The following TRAPPC9 variants were observed in gnomAD, a reference collection of about 807,000 sequenced individuals.
TRAPPC9 encodes the protein IKK2 binding protein.
Under a neutral mutation model 124.0 loss-of-function variants are expected in TRAPPC9, and 83 were observed. The ratio of observed to expected loss-of-function variants is 0.67; its 90% CI spans 0.56 to 0.80. The LOEUF (loss-of-function observed/expected upper bound fraction) is 0.80, where lower values mean the gene tolerates loss of function less well. TRAPPC9 is among the 30% of genes least tolerant of loss of function. The pLI, the probability that TRAPPC9 is intolerant of heterozygous loss-of-function variation, is 0.00. For synonymous variants in TRAPPC9, 638 were observed against 617.5 expected (o/e 1.03, Z -0.49); for missense variants, 1,302 against 1,508.3 (o/e 0.86, Z 2.27).
chr8:140,145,459 C>T (rs753876119), intron 17 of TRAPPC9, among the ~76,000 whole-genome samples: 2 of 152,090 alleles, frequency 1.3e-5, no homozygotes, highest in African/African-American at 2.4e-5. Context: ...ATAATGCTCT[C>T]TTGCAGTCTG....
chr8:140,344,466 C>T (rs1563960880), intron 9 of TRAPPC9, among the ~76,000 whole-genome samples: 1 of 152,146 alleles, frequency 6.6e-6, no homozygotes, highest in Admixed American at 6.5e-5. Context: ...ACACAGTGCT[C>T]CAAGCCACAG....
intron 9 of TRAPPC9, among the ~76,000 whole-genome samples, chr8:140,319,269 G>A (rs1373677278): frequency 4.4e-5 from 6 of 136,912 alleles, no homozygotes; most frequent in South Asian, 2.6e-4. Context: ...TCCGCCTCCC[G>A]GGTTCACACC....
intron 19 of TRAPPC9, among the ~76,000 whole-genome samples, chr8:139,970,794 G>C (rs1836009112): frequency 6.6e-6 from 1 of 152,114 alleles, no homozygotes; most frequent in African/African-American, 2.4e-5. Flanking sequence ...GCAATGCGCA[G>C]CCCAGTGCCC....
At chr8:139,767,886 C>T (rs1460445838) in intron 21 of TRAPPC9, among the ~76,000 whole-genome samples, 1 of 152,220 alleles carries the variant, frequency 6.6e-6, no homozygotes, top group African/African-American at 2.4e-5. Flanking sequence ...TATTTTCATA[C>T]ATGGCTGATT....
rs757182607 is a variant in TRAPPC9 at position 140,005,908 on chromosome 8, T to TA, written c.2700-17073dup. On this transcript the variant is annotated intron_variant, in intron 18 of 22. Coordinates refer to ENST00000438773, the MANE Select transcript of TRAPPC9 (RefSeq NM_001160372.4). The stretch of plus-strand genomic sequence containing the variant: ...GTCTGGGTGACGGTAAGACCCTGTC[T>TA]AAAAAAAAAAAAAAAAGGAGGAGGA... Among the ~76,000 whole-genome samples, 764 of 104,174 alleles carry TA rather than the reference T, an allele frequency of 7.3e-3. 4 individuals carry two copies. The highest frequency in any genetic ancestry group is 0.014 in the South Asian group (48 of 3,364). The allele number at this position is 104,174 out of a possible 152,430, so 68.3% of individuals were successfully genotyped here.
At chr8:140,076,164 AC>A (rs1190572358) in intron 17 of TRAPPC9, among the ~76,000 whole-genome samples, 2 of 152,252 alleles carry the variant, frequency 1.3e-5, no homozygotes, top group Admixed American at 6.5e-5. Flanking sequence ...ACATAGCAGC[AC>A]TGTGACGAGT....
chr8:140,272,390 A>G (rs1423028029), intron 15 of TRAPPC9, among the ~76,000 whole-genome samples: 6 of 125,280 alleles, frequency 4.8e-5, no homozygotes, highest in South Asian at 2.7e-4. Context: ...GATGATGGTG[A>G]TGGTGGCGAT....
At chr8:140,400,064 A>T (rs532988603) in intron 6 of TRAPPC9, among the ~76,000 whole-genome samples, 1 of 152,296 alleles carries the variant, frequency 6.6e-6, no homozygotes, top group East Asian at 1.9e-4. Flanking sequence ...CATCCATGTA[A>T]GACGGGACTT....
intron 17 of TRAPPC9, among the ~76,000 whole-genome samples, chr8:140,067,811 G>A (rs764143405): frequency 2.0e-5 from 3 of 152,122 alleles, no homozygotes; most frequent in Admixed American, 6.5e-5. Context: ...AGACTTGTGA[G>A]AAAAAGATGT....
At chr8:139,834,463 G>A (rs1208317694) in intron 21 of TRAPPC9, among the ~76,000 whole-genome samples, 1 of 152,256 alleles carries the variant, frequency 6.6e-6, no homozygotes, top group Non-Finnish European at 1.5e-5. Context: ...CTGGCTTTCT[G>A]AGGAAGGGGG....
chr8:140,209,508 C>A (rs1156447767), intron 17 of TRAPPC9, among the ~76,000 whole-genome samples: 1 of 152,224 alleles, frequency 6.6e-6, no homozygotes, highest in Non-Finnish European at 1.5e-5. Context: ...CTTACTTCTA[C>A]ATTTCTTATT....
At chr8:140,076,341 G>C (rs1305051935) in intron 17 of TRAPPC9, among the ~76,000 whole-genome samples, 2 of 152,132 alleles carry the variant, frequency 1.3e-5, no homozygotes, top group East Asian at 3.9e-4. Flanking sequence ...TGGGCCTTCG[G>C]TGACACTCTC....
Position 140,371,196 on chromosome 8 carries a change from AAAGT to A in TRAPPC9, c.1135-20_1135-17del. On this transcript the variant is annotated splice_polypyrimidine_tract_variant and intron_variant, in intron 7 of 22. Coordinates refer to ENST00000438773, the MANE Select transcript of TRAPPC9 (RefSeq NM_001160372.4). The stretch of plus-strand genomic sequence containing the variant: ...CCTCAGAAAGCTGAAGCACAGAGAG[AAAGT>A]AAAAAGCTTTTGAAAGAAACGTATA... 6.3e-7 allele frequency: 1 copy of A among 1,596,178 alleles called. No individual in the cohort carries two copies. The highest frequency in any genetic ancestry group is 1.1e-5 in the South Asian group (1 of 89,242).
chr8:140,242,722 T>G (rs2063888950), intron 16 of TRAPPC9, among the ~76,000 whole-genome samples: 1 of 152,154 alleles, frequency 6.6e-6, no homozygotes, highest in Non-Finnish European at 1.5e-5. Flanking sequence ...TGGTAAGTAT[T>G]AAGGACAAAA....
intron 14 of TRAPPC9, among the ~76,000 whole-genome samples, chr8:140,281,107 C>T (rs2065306043): frequency 6.6e-6 from 1 of 152,238 alleles, no homozygotes; most frequent in Non-Finnish European, 1.5e-5. Flanking sequence ...CACTCGCACA[C>T]AGGTTTCTGT....
At chr8:140,113,666 C>T (rs765742330) in intron 17 of TRAPPC9, among the ~76,000 whole-genome samples, 1 of 152,174 alleles carries the variant, frequency 6.6e-6, no homozygotes, top group African/African-American at 2.4e-5. Context: ...TAGGAAGCAA[C>T]TTCCACTTCC....
rs1587203495 is a variant in TRAPPC9, at chr8:139,916,873, G to A, written c.2811-6573C>T. Among the ~76,000 whole-genome samples, 4 of 152,352 alleles carry A rather than the reference G, an allele frequency of 2.6e-5. No homozygotes were observed. The South Asian group carries it at 8.3e-4, about 32-fold the overall frequency. On this transcript the variant is annotated intron_variant, in intron 19 of 22. Coordinates refer to ENST00000438773, the MANE Select transcript of TRAPPC9 (RefSeq NM_001160372.4). ...TAATTCAACTGAACTTTCATTGAGA[G>A]ATAGTTGTTAGTTATAAGACTAGCT...
chr8:139,847,824 T>A (rs1474200822), intron 21 of TRAPPC9, among the ~76,000 whole-genome samples: 3 of 152,152 alleles, frequency 2.0e-5, no homozygotes. Context: ...CGGCCCGGCC[T>A]GGGGATGGGT....
chr8:140,287,790 G>C (rs2065534360), intron 12 of TRAPPC9, 56 bp from the exon 13 acceptor site: 6 of 1,611,402 alleles, frequency 3.7e-6, no homozygotes, highest in Non-Finnish European at 4.2e-6. Context: ...TGTGTGCTCA[G>C]TTCCAAATGA....
Sources: allele counts gnomAD v4.1 joint callset (sites outside exome capture counted in the v4.1 genomes callset), GRCh38; gene constraint gnomAD v4.1.1; transcripts MANE v1.5; gene names NCBI Gene and HGNC (gene_info 2026-07-23, HGNC 2026-07-21).